The following SRRM4 variants were observed in gnomAD, a reference collection of about 807,000 sequenced individuals.
SRRM4 encodes serine/arginine repetitive matrix 4.
A neutral mutation model predicts 68.9 loss-of-function variants in SRRM4; 33 were observed. The ratio of observed to expected loss-of-function variants is 0.48; its 90% confidence interval spans 0.36 to 0.64. SRRM4 has a LOEUF of 0.64. Ranked by LOEUF, SRRM4 falls within the 30% of genes least tolerant of loss-of-function variation. The probability of loss-of-function intolerance (pLI) is 0.00; values close to 1 mark genes in which losing one functional copy is unlikely to be tolerated. For synonymous variants in SRRM4, 318 were observed against 318.8 expected, an observed-to-expected ratio of 1.00 and a Z score of 0.03; for missense variants, 817 against 827.1, an observed-to-expected ratio of 0.99 and a Z score of 0.15.
chr12:119,024,964 G>T (rs1011359768), intron 1 of SRRM4, among the ~76,000 whole-genome samples: 10 of 152,178 alleles, frequency 6.6e-5, no homozygotes, highest in African/African-American at 2.4e-4. Context: ...GGGAGTGAGA[G>T]GATACGGTGC....
chr12:119,097,230 T>C (rs915093553), intron 1 of SRRM4, among the ~76,000 whole-genome samples: 1 of 152,206 alleles, frequency 6.6e-6, no homozygotes, highest in South Asian at 2.1e-4. Context: ...GATGCAAGGC[T>C]GGAGGTAGGG....
chr12:119,120,202 T>C (rs1385234155), intron 4 of SRRM4, 48 bp from the exon 5 acceptor site: 3 of 1,411,564 alleles, frequency 2.1e-6, no homozygotes, highest in African/African-American at 2.9e-5. Flanking sequence ...TCTCTGCCTT[T>C]TTTTTCTTTG....
chr12:119,096,329 G>A (rs958683657), intron 1 of SRRM4, among the ~76,000 whole-genome samples: 3 of 151,830 alleles, frequency 2.0e-5, no homozygotes, highest in South Asian at 4.2e-4. Flanking sequence ...CACCACGCCC[G>A]GCCTCTCAGT....
rs761709285 is a variant in SRRM4, at chr12:119,117,017, CT to C, written c.437+14del. ...AAACACAAGCGACGCAGGTATTGTC[CT>C]TTTTCTCTGCAAACAAGACCTCCCC... is the stretch of plus-strand genomic sequence containing the variant. On this transcript the variant is annotated intron_variant, in intron 4 of 12. Transcript: ENST00000267260. 44 of 1,613,412 alleles carry C rather than the reference CT, an allele frequency of 2.7e-5. No homozygotes were observed. The African/African-American group carries it at 5.3e-4, about 20-fold the overall frequency.
At chr12:119,125,346 C>G (rs1429989976) in intron 6 of SRRM4, 35 bp from the exon 7 acceptor site, 16 of 1,577,432 alleles carry the variant, frequency 1.0e-5, no homozygotes, top group Non-Finnish European at 1.4e-5. Context: ...TCTCTCTCTC[C>G]TCTCCTCTGA....
intron 2 of SRRM4, among the ~76,000 whole-genome samples, chr12:119,104,185 A>G (rs895883377): frequency 5.9e-5 from 9 of 152,116 alleles, no homozygotes; most frequent in African/African-American, 1.9e-4. Context: ...ATTAAGTTAG[A>G]CTAGGCATGT....
At chr12:119,048,296 C>T (rs918592080) in intron 1 of SRRM4, among the ~76,000 whole-genome samples, 3 of 152,180 alleles carry the variant, frequency 2.0e-5, no homozygotes, top group Non-Finnish European at 4.4e-5. Context: ...GGGGTGAGCC[C>T]ATGAGTGCAC....
At chr12:119,086,064 C>G (rs755784849) in intron 1 of SRRM4, among the ~76,000 whole-genome samples, 1 of 152,094 alleles carries the variant, frequency 6.6e-6, no homozygotes, top group Non-Finnish European at 1.5e-5. Context: ...CACCTAGGCA[C>G]TTATTGTTAA....
chr12:119,037,322 T>C (rs531333197), intron 1 of SRRM4, among the ~76,000 whole-genome samples: 2 of 151,972 alleles, frequency 1.3e-5, no homozygotes, highest in East Asian at 1.9e-4. Context: ...CATCAGAAAA[T>C]AGTTTTTCCA....
chr12:119,099,080 T>G (rs536076131), intron 1 of SRRM4, among the ~76,000 whole-genome samples: 1 of 152,278 alleles, frequency 6.6e-6, no homozygotes, highest in African/African-American at 2.4e-5. Context: ...TGACCTGATC[T>G]CTGATCTCAC....
At chr12:119,151,739 C>G (rs900975949) in intron 10 of SRRM4, among the ~76,000 whole-genome samples, 1 of 152,110 alleles carries the variant, frequency 6.6e-6, no homozygotes, top group African/African-American at 2.4e-5. Context: ...CCCCAGCTGA[C>G]TCATCACTCT....
chr12:119,002,234 A>T (rs1461414942), intron 1 of SRRM4, among the ~76,000 whole-genome samples: 1 of 152,156 alleles, frequency 6.6e-6, no homozygotes, highest in Non-Finnish European at 1.5e-5. Context: ...AAAAAAAAAA[A>T]AATTTTTTTT....
chr12:119,130,566 T>A (rs1008813354), intron 7 of SRRM4, 112 bp from the exon 8 acceptor site: 1 of 1,080,932 alleles, frequency 9.3e-7, no homozygotes, highest in Non-Finnish European at 1.3e-6. Context: ...TATGAACATA[T>A]ACAAACACCC....
intron 1 of SRRM4, among the ~76,000 whole-genome samples, chr12:118,988,962 G>C (rs920516758): frequency 6.6e-6 from 1 of 152,178 alleles, no homozygotes; most frequent in Non-Finnish European, 1.5e-5. Flanking sequence ...CAAAGGCCCT[G>C]AGGTAGAAGG....
chr12:119,041,259 G>A (rs915450332), intron 1 of SRRM4, among the ~76,000 whole-genome samples: 4 of 152,150 alleles, frequency 2.6e-5, no homozygotes, highest in African/African-American at 4.8e-5. Flanking sequence ...CCAGTTGCAC[G>A]TGGGTCTAAT....
At chr12:119,126,014 CTTTTTTTTTT>C (rs34680171) in intron 7 of SRRM4, among the ~76,000 whole-genome samples, 5 of 71,134 alleles carry the variant, frequency 7.0e-5, no homozygotes, top group Non-Finnish European at 1.2e-4. Flanking sequence ...ATACTAGCTG[CTTTTTTTTTT>C]TTTTTTTTTT....
intron 1 of SRRM4, chr12:118,991,948 C>T (rs910335130): frequency 1.3e-5 from 2 of 152,268 alleles, no homozygotes; most frequent in East Asian, 1.9e-4. Flanking sequence ...AGGGATCACC[C>T]GATCTCATTT....
chr12:119,016,685 T>C (rs1594028313), intron 1 of SRRM4, among the ~76,000 whole-genome samples: 1 of 152,218 alleles, frequency 6.6e-6, no homozygotes, highest in Non-Finnish European at 1.5e-5. Context: ...CTGAGTGCCA[T>C]TTACTTTTTC....
chr12:119,064,315 G>C (rs971632775), intron 1 of SRRM4, among the ~76,000 whole-genome samples: 2 of 152,184 alleles, frequency 1.3e-5, no homozygotes, highest in African/African-American at 4.8e-5. Context: ...ATTTATTTCA[G>C]TGCTGTTGCC....
Sources: allele counts gnomAD v4.1 joint callset (sites outside exome capture counted in the v4.1 genomes callset), GRCh38; gene constraint gnomAD v4.1.1; transcripts MANE v1.5; gene names NCBI Gene and HGNC (gene_info 2026-07-23, HGNC 2026-07-21).